The following VAMP4 variants were observed in gnomAD, a reference collection of about 807,000 sequenced individuals.
VAMP4 encodes the protein vesicle associated membrane protein 4.
A neutral mutation model predicts 23.5 loss-of-function variants in VAMP4; 19 were observed. The ratio of observed to expected loss-of-function variants is 0.81; its 90% CI spans 0.56 to 1.19. The LOEUF (loss-of-function observed/expected upper bound fraction) is 1.19. VAMP4 is among the 50% of genes most tolerant of loss of function. The probability of loss-of-function intolerance (pLI) is 0.00; values close to 1 mark genes in which losing one functional copy is unlikely to be tolerated. For missense variants in VAMP4, 145 were observed against 168.6 expected (o/e 0.86, Z 0.78); for synonymous variants, 31 against 51.0 (o/e 0.61, Z 1.67).
At position 171,738,419 on chromosome 1, in the gene VAMP4, T is replaced by C. The variant is rs1655813327; in HGVS notation, c.-5A>G. 1 of 1,614,134 alleles carries C rather than the reference T, an allele frequency of 6.2e-7. No homozygotes were observed. Among genetic ancestry groups the C allele is most frequent in the Non-Finnish European group, 8.5e-7 (1 of 1,180,010 alleles). ...GCGCTTAAACTTGGGAGGCATATTT[T>C]TTACTTGCAAAGTATCTTTTGCTTC... On this transcript the variant is annotated 5_prime_UTR_variant, in exon 2 of 8. Coordinates refer to ENST00000236192, the MANE Select transcript of VAMP4 (RefSeq NM_003762.5).
intron 7 of VAMP4, 109 bp from the exon 8 acceptor site, chr1:171,704,643 A>G: frequency 1.2e-6 from 1 of 805,150 alleles, no homozygotes; most frequent in Non-Finnish European, 1.8e-6. Context: ...ATGGGTAATG[A>G]GGATTGACTG....
intron 2 of VAMP4, among the ~76,000 whole-genome samples, chr1:171,729,052 C>G (rs757343174): frequency 3.3e-5 from 5 of 152,156 alleles, no homozygotes; most frequent in Non-Finnish European, 7.4e-5. Flanking sequence ...TACCCACAAA[C>G]AGCCCCCTAA....
At chr1:171,709,135 G>A (rs1329193718) in intron 6 of VAMP4, among the ~76,000 whole-genome samples, 2 of 151,956 alleles carry the variant, frequency 1.3e-5, no homozygotes, top group Admixed American at 6.6e-5. Context: ...TGATTCCAAT[G>A]TTTACCTTGT....
chr1:171,713,087 G>A (rs1654903565), intron 4 of VAMP4, among the ~76,000 whole-genome samples: 1 of 152,170 alleles, frequency 6.6e-6, no homozygotes, highest in Non-Finnish European at 1.5e-5. Context: ...TGTAAGTCCA[G>A]TACCTATAGT....
chr1:171,735,141 C>T (rs1168381494), intron 2 of VAMP4, among the ~76,000 whole-genome samples: 1 of 152,120 alleles, frequency 6.6e-6, no homozygotes, highest in African/African-American at 2.4e-5. Context: ...AAAAAGCAAT[C>T]ATATTCAAGT....
chr1:171,738,505 G>T, intron 1 of VAMP4, 42 bp from the exon 2 acceptor site: 1 of 1,314,240 alleles, frequency 7.6e-7, no homozygotes, highest in Non-Finnish European at 1.1e-6. Context: ...AGACTTTGGG[G>T]CATAAGCTAA....
At chr1:171,728,692 G>C in intron 2 of VAMP4, 122 bp from the exon 3 acceptor site, 1 of 906,116 alleles carries the variant, frequency 1.1e-6, no homozygotes, top group South Asian at 2.2e-5. Context: ...CCATAAAGAG[G>C]GAAAAGTAAT....
intron 1 of VAMP4, among the ~76,000 whole-genome samples, chr1:171,739,199 C>T (rs564810482): frequency 6.6e-6 from 1 of 152,114 alleles, no homozygotes; most frequent in African/African-American, 2.4e-5. Flanking sequence ...TACAGCCCCA[C>T]CCCCTAGCTT....
intron 1 of VAMP4, among the ~76,000 whole-genome samples, chr1:171,739,112 G>A (rs1420935186): frequency 6.6e-6 from 1 of 152,136 alleles, no homozygotes; most frequent in East Asian, 1.9e-4. Context: ...AAGATGACTG[G>A]TAGCTTAGCC....
intron 3 of VAMP4, among the ~76,000 whole-genome samples, chr1:171,720,074 G>A (rs1426461061): frequency 6.6e-6 from 1 of 151,748 alleles, no homozygotes; most frequent in Non-Finnish European, 1.5e-5. Context: ...ATGTATAAGT[G>A]TGAATATATC....
At chr1:171,716,920 G>A (rs1655038044) in intron 4 of VAMP4, among the ~76,000 whole-genome samples, 2 of 152,124 alleles carry the variant, frequency 1.3e-5, no homozygotes, top group Non-Finnish European at 2.9e-5. Flanking sequence ...CAGCTCTAGA[G>A]TAAAAAACGC....
chr1:171,709,705 G>A lies in VAMP4; in HGVS notation c.305C>T (p.Ser102Phe). The A allele has an allele frequency of 6.2e-7, 1 of 1,613,202 alleles. No homozygotes were observed. Among genetic ancestry groups the A allele is most frequent in the African/African-American group, 1.3e-5 (1 of 74,966 alleles). The change falls in exon 6 of 8, where the codon TCC (serine) becomes TTC (phenylalanine). Residue 102 changes from serine to phenylalanine, a missense_variant. Physicochemically the swap from Ser to Phe is radical, Grantham distance 155 (BLOSUM62 -2). Transcript: ENST00000236192. ...CCACATTTGCCTTCGAAGTTGTTTG[G>A]ATCTGTTGCTAAAAGCTGTTGCATT... is the stretch of plus-strand genomic sequence containing the variant. Reference protein sequence around the residue: ...SDNATAFSNRSKQLRRQMWWR... With the variant: ...SDNATAFSNRFKQLRRQMWWR...
chr1:171,739,576 G>C (rs889690272), intron 1 of VAMP4, among the ~76,000 whole-genome samples: 3 of 152,232 alleles, frequency 2.0e-5, no homozygotes, highest in Non-Finnish European at 4.4e-5. Flanking sequence ...AAACAACCTG[G>C]AACTTGTGAT....
intron 1 of VAMP4, among the ~76,000 whole-genome samples, chr1:171,739,820 T>G (rs1395210380): frequency 6.6e-6 from 1 of 152,238 alleles, no homozygotes; most frequent in African/African-American, 2.4e-5. Context: ...AAGCTAGTTT[T>G]CTTTGCTACA....
At position 171,723,126 on chromosome 1, in the gene VAMP4, G is replaced by C. The variant is rs11497369; in HGVS notation, c.114-3905C>G. ...GCAAGATTTTGTTGTGATTTTCAAA[G>C]GGGAGGGAGTGTACTAATAGGGTGT... On this transcript the variant is annotated intron_variant, in intron 3 of 7. Transcript: ENST00000236192. Among the ~76,000 whole-genome samples, 1,431 of 152,246 alleles carry C rather than the reference G, an allele frequency of 9.4e-3. 15 individuals carry two copies. Among genetic ancestry groups the C allele is most frequent in the Middle Eastern group, 0.034 (10 of 294 alleles).
intron 2 of VAMP4, among the ~76,000 whole-genome samples, chr1:171,733,254 T>G (rs1655616828): frequency 7.5e-6 from 1 of 132,872 alleles, no homozygotes; most frequent in African/African-American, 3.0e-5. Context: ...GCCCCGGAGT[T>G]CGAAACCAGC....
At chr1:171,735,640 A>G (rs926775446) in intron 2 of VAMP4, among the ~76,000 whole-genome samples, 12 of 152,210 alleles carry the variant, frequency 7.9e-5, no homozygotes, top group Non-Finnish European at 1.3e-4. Flanking sequence ...CCTTGGGGCA[A>G]TAGGAAAGAG....
At chr1:171,706,759 T>C (rs1654668622) in intron 6 of VAMP4, among the ~76,000 whole-genome samples, 2 of 152,216 alleles carry the variant, frequency 1.3e-5, no homozygotes, top group Non-Finnish European at 2.9e-5. Context: ...TTATTCATCA[T>C]ATCTTGACAC....
chr1:171,741,077 G>T lies in VAMP4; in HGVS notation c.-50+833C>A, dbSNP rs181044867. Among the ~76,000 whole-genome samples the T allele has an allele frequency of 3.9e-5, 6 of 152,324 alleles. No homozygotes were observed. In the East Asian group the frequency reaches 9.6e-4, roughly 24 times the overall value. On this transcript the variant is annotated intron_variant, in intron 1 of 7. Transcript: ENST00000236192. Reference sequence around the variant, plus strand: ...ATGTGAATTCAGCTGTTTGTGACTAGGTATACATGTAAATAAGAGAGCCAT... The same window carrying T: ...ATGTGAATTCAGCTGTTTGTGACTATGTATACATGTAAATAAGAGAGCCAT...
Sources: allele counts gnomAD v4.1 joint callset (sites outside exome capture counted in the v4.1 genomes callset), GRCh38; gene constraint gnomAD v4.1.1; transcripts MANE v1.5; gene names NCBI Gene and HGNC (gene_info 2026-07-23, HGNC 2026-07-21).